Variants in SOX6 observed in about 807,000 individuals in gnomAD.
SOX6 encodes the protein transcription factor SOX-6.
A neutral mutation model predicts 97.8 loss-of-function variants in SOX6; 11 were observed. The ratio of observed to expected loss-of-function variants is 0.11; its 90% CI spans 0.07 to 0.19. The LOEUF (loss-of-function observed/expected upper bound fraction) is 0.19. Ranked by LOEUF, SOX6 falls within the 10% of genes least tolerant of loss-of-function variation. The pLI, the probability that SOX6 is intolerant of heterozygous loss-of-function variation, is 1.00. For synonymous variants in SOX6, 360 were observed against 371.4 expected, an observed-to-expected ratio of 0.97 and a Z score of 0.35; for missense variants, 810 against 1,039.5, an observed-to-expected ratio of 0.78 and a Z score of 3.04.
intron 3 of SOX6, among the ~76,000 whole-genome samples, chr11:16,240,995 A>C (rs1416656946): frequency 1.7e-5 from 1 of 58,734 alleles, no homozygotes; most frequent in Non-Finnish European, 4.1e-5. Flanking sequence ...TTCAGATATG[A>C]AGTAAGACAC....
At chr11:16,393,301 G>C (rs563252704) in intron 1 of SOX6, among the ~76,000 whole-genome samples, 1 of 151,960 alleles carries the variant, frequency 6.6e-6, no homozygotes, top group African/African-American at 2.4e-5. Flanking sequence ...CCTGCAACTA[G>C]GCTATTTGTT....
intron 3 of SOX6, chr11:16,646,401 G>A (rs1170975049): frequency 6.6e-6 from 1 of 150,850 alleles, no homozygotes; most frequent in Non-Finnish European, 1.5e-5. Context: ...ACTCATATGT[G>A]TTGCTATTTA....
At chr11:16,541,026 C>A (rs901879807) in intron 4 of SOX6, among the ~76,000 whole-genome samples, 6 of 152,072 alleles carry the variant, frequency 3.9e-5, no homozygotes, top group Non-Finnish European at 2.9e-5. Context: ...CAATCCTAAG[C>A]CAAAAGAACA....
At chr11:16,526,728 A>G (rs924079478) in intron 4 of SOX6, among the ~76,000 whole-genome samples, 9 of 152,116 alleles carry the variant, frequency 5.9e-5, no homozygotes, top group African/African-American at 1.9e-4. Context: ...CTAAATATTA[A>G]TCCAGCCTTT....
At chr11:16,104,248 G>A (rs1041564621) in intron 7 of SOX6, among the ~76,000 whole-genome samples, 1 of 151,922 alleles carries the variant, frequency 6.6e-6, no homozygotes, top group Non-Finnish European at 1.5e-5. Flanking sequence ...TATTACAATA[G>A]CAGTTCATAT....
At chr11:16,131,900 AG>A (rs1223672738) in intron 6 of SOX6, among the ~76,000 whole-genome samples, 1 of 152,036 alleles carries the variant, frequency 6.6e-6, no homozygotes, top group Non-Finnish European at 1.5e-5. Flanking sequence ...GAATAGGCCC[AG>A]GGTTTCAATG....
intron 6 of SOX6, among the ~76,000 whole-genome samples, chr11:16,154,546 C>T (rs1047476031): frequency 2.0e-5 from 3 of 152,026 alleles, no homozygotes; most frequent in Admixed American, 1.3e-4. Context: ...CCTCTTCAAC[C>T]CTCAGCCAGA....
intron 12 of SOX6, among the ~76,000 whole-genome samples, chr11:16,034,774 G>A (rs1485838100): frequency 6.6e-6 from 1 of 152,100 alleles, no homozygotes; most frequent in Non-Finnish European, 1.5e-5. Flanking sequence ...GACACAGACA[G>A]ACATACAGAT....
At chr11:16,624,692 A>C (rs746339350) in intron 3 of SOX6, among the ~76,000 whole-genome samples, 1 of 152,184 alleles carries the variant, frequency 6.6e-6, no homozygotes, top group Non-Finnish European at 1.5e-5. Flanking sequence ...TAACTTTACA[A>C]GTTGCCAAAC....
At chr11:16,220,802 G>C (rs10832566) in intron 4 of SOX6, among the ~76,000 whole-genome samples, 72,482 of 151,736 alleles carry the variant, frequency 0.48, 17,488 homozygotes, top group South Asian at 0.61. Flanking sequence ...AGCAAGTTGA[G>C]AGTAAAATAG....
chr11:16,400,782 G>A (rs753099979), intron 1 of SOX6, among the ~76,000 whole-genome samples: 4 of 151,316 alleles, frequency 2.6e-5, no homozygotes, highest in Non-Finnish European at 5.9e-5. Flanking sequence ...TCATACATAC[G>A]TAGATAAAAG....
chr11:16,225,731 G>T (rs184124129), intron 4 of SOX6, among the ~76,000 whole-genome samples: 1 of 152,202 alleles, frequency 6.6e-6, no homozygotes, highest in African/African-American at 2.4e-5. Context: ...GATCTTCAAA[G>T]ATCTATCATG....
chr11:16,617,686 C>T (rs2133986572), intron 3 of SOX6, among the ~76,000 whole-genome samples: 2 of 151,858 alleles, frequency 1.3e-5, no homozygotes, highest in Admixed American at 1.3e-4. Flanking sequence ...CAATTTCTAC[C>T]CGTTTAGAAA....
chr11:16,426,395 A>C (rs1243007214), intron 1 of SOX6, among the ~76,000 whole-genome samples: 1 of 151,728 alleles, frequency 6.6e-6, no homozygotes. Flanking sequence ...CATGCTACCC[A>C]TCTTCAAACT....
At chr11:16,576,959 T>A (rs1362698150) in intron 4 of SOX6, 1 of 152,240 alleles carries the variant, frequency 6.6e-6, no homozygotes, top group Non-Finnish European at 1.5e-5. Context: ...CCAATAGGTT[T>A]CTGCATTAAG....
chr11:16,493,553 T>A (rs1361563841), intron 4 of SOX6, among the ~76,000 whole-genome samples: 1 of 152,214 alleles, frequency 6.6e-6, no homozygotes, highest in Non-Finnish European at 1.5e-5. Context: ...ATTCTACTTC[T>A]TAACCTGGGT....
chr11:16,230,766 G>A (rs1486354890), intron 4 of SOX6, among the ~76,000 whole-genome samples: 2 of 151,638 alleles, frequency 1.3e-5, no homozygotes, highest in Admixed American at 6.6e-5. Flanking sequence ...AAAATTATGA[G>A]TGTAGTCTTG....
intron 4 of SOX6, among the ~76,000 whole-genome samples, chr11:16,200,876 C>G (rs1851916663): frequency 6.6e-6 from 1 of 152,106 alleles, no homozygotes. Context: ...GAGGCTGAGG[C>G]AGGTGGATCA....
intron 9 of SOX6, among the ~76,000 whole-genome samples, chr11:16,081,428 C>A (rs867613631): frequency 6.6e-6 from 1 of 152,056 alleles, no homozygotes; most frequent in South Asian, 2.1e-4. Context: ...AGGAAAAAAT[C>A]TTTAAGCATT....
Sources: gnomAD v4.1 joint callset for allele counts (sites outside exome capture counted in the v4.1 genomes callset) on GRCh38, gnomAD v4.1.1 for gene constraint, MANE v1.5 for transcripts, NCBI Gene and HGNC (gene_info 2026-07-23, HGNC 2026-07-21) for gene names.